CDH16: variants seen among roughly 807,000 people sequenced by gnomAD.
The protein encoded by CDH16 is cadherin 16.
CDH16 carries 79 observed loss-of-function variants against 87.6 expected under a neutral mutation model. The ratio of observed to expected loss-of-function variants is 0.90; its 90% CI spans 0.75 to 1.09. The LOEUF (loss-of-function observed/expected upper bound fraction) is 1.09. Ranked by LOEUF, CDH16 falls within the 50% of genes least tolerant of loss-of-function variation. The pLI is 0.00. For synonymous variants in CDH16, 457 were observed against 439.5 expected, an observed-to-expected ratio of 1.04 and a Z score of -0.50; for missense variants, 1,124 against 1,071.7, an observed-to-expected ratio of 1.05 and a Z score of -0.68.
At chr16:66,913,079 C>T in intron 9 of CDH16, 52 bp downstream of exon 9, 1 of 1,562,654 alleles carries the variant, frequency 6.4e-7, no homozygotes, top group East Asian at 2.3e-5. Context: ...CAGAGAAGAG[C>T]AAGACCAGGT....
Position 66,913,628 on chromosome 16 carries a change from C to A in CDH16, c.781-15G>T, listed in dbSNP as rs1468577284. 1.9e-6 allele frequency: 3 copies of A among 1,613,464 alleles called. No individual in the cohort carries two copies. In the African/African-American group the frequency reaches 4.0e-5, roughly 21 times the overall value. ...CTCCAGTGTACCTGGGGGGGACACC[C>A]CGGGCCAAGGGGCAGGAACAATCCA... On this transcript the variant is annotated splice_polypyrimidine_tract_variant and intron_variant, in intron 7 of 17. Transcript: ENST00000299752.
In CDH16 at chr16:66,909,387, AG is replaced by A; in HGVS notation, c.2276-5del. ...ACGTTGCAGCGACACACGATCACTG[AG>A]GGGAGAGGGGAGGAAGGTAAGGGGA... is the stretch of plus-strand genomic sequence containing the variant. On this transcript the variant is annotated splice_polypyrimidine_tract_variant and splice_region_variant and intron_variant, in intron 16 of 17. Transcript: ENST00000299752. This position sits in a 1 kb window ranked among gnomAD's most constrained non-coding sequence, Gnocchi z 4.1. The A allele has an allele frequency of 1.2e-6, 1 of 825,200 alleles. No individual in the cohort carries two copies. The highest frequency in any genetic ancestry group is 1.9e-6 in the Non-Finnish European group (1 of 534,878). 51.1% of individuals were successfully genotyped at this position (825,200 alleles called of 1,614,324 possible).
intron 1 of CDH16, 103 bp from the exon 2 acceptor site, chr16:66,918,181 C>T (rs1464712394): frequency 1.3e-6 from 1 of 741,246 alleles, no homozygotes; most frequent in Non-Finnish European, 2.1e-6. Context: ...GTCTTCTCTT[C>T]CTCCCCTCCA....
At position 66,916,539 on chromosome 16, in the gene CDH16, C is replaced by G; in HGVS notation, c.130-110G>C. The G allele has an allele frequency of 7.9e-7, 1 of 1,273,302 alleles. No individual in the cohort carries two copies. The highest frequency in any genetic ancestry group is 1.1e-6 in the Non-Finnish European group (1 of 947,174). 78.9% of individuals were successfully genotyped at this position (1,273,302 alleles called of 1,614,324 possible). ...TGGGGAAACTGAGTCTCAGAGACATCTGGCTCCTGTCAGAGGTCACACAGC... is the reference window on the plus strand; with the variant it reads ...TGGGGAAACTGAGTCTCAGAGACATGTGGCTCCTGTCAGAGGTCACACAGC... On this transcript the variant is annotated intron_variant, in intron 3 of 17. Transcript: ENST00000299752. This position sits in a 1 kb window ranked among gnomAD's most constrained non-coding sequence, Gnocchi z 4.1.
rs1596971915 is a variant in CDH16 at position 66,910,406 on chromosome 16, T to G, written c.2021A>C (p.Tyr674Ser). The change falls in exon 15 of 18, where the codon TAC becomes TCC. Residue 674 changes from tyrosine (Y) to serine (S), a missense_variant. By Grantham distance (144) the Tyr-to-Ser change is moderately radical. Coordinates refer to ENST00000299752, the MANE Select transcript of CDH16 (RefSeq NM_004062.4). ...ATGGTCTTGGCGGGGTGTGCAGAGG[T>G]ATTGGGAGGGCACAGGGGCAAGAGT... ...ALTLAPVPSQ[Y>S]LCTPRQDHGL... The G allele has an allele frequency of 6.2e-7, 1 of 1,608,820 alleles. No individual in the cohort carries two copies. Among genetic ancestry groups the G allele is most frequent in the African/African-American group, 1.3e-5 (1 of 74,536 alleles).
chr16:66,911,356 A>C, intron 13 of CDH16, 41 bp from the exon 14 acceptor site: 1 of 1,602,080 alleles, frequency 6.2e-7, no homozygotes, highest in South Asian at 1.1e-5. Flanking sequence ...CTGGGACTAC[A>C]TATAGGGTTT....
Position 66,912,072 on chromosome 16 carries a change from C to G in CDH16, c.1617G>C (p.Val539=). ...TGGCTCCAGGGCCTGGGCCTGGCCC[C>G]ACCAGCTTCGCCACACTCTGCACCA... ...VVVVQSVAKL[V]GPGPGPGATA... The change falls in exon 13 of 18, where the codon GTG becomes GTC. Residue 539 remains valine, a synonymous_variant. Coordinates refer to ENST00000299752, the MANE Select transcript of CDH16 (RefSeq NM_004062.4). The G allele has an allele frequency of 6.2e-7, 1 of 1,614,106 alleles. No homozygotes were observed. Among genetic ancestry groups the G allele is most frequent in the Non-Finnish European group, 8.5e-7 (1 of 1,180,018 alleles).
At position 66,911,173 on chromosome 16, in the gene CDH16, T is replaced by G; in HGVS notation, c.1924+9A>C. ...CCTCCCAGGGGCTCCCATCACTGCC[T>G]GGCCATACCTGTATCCTGGGCCTCC... On this transcript the variant is annotated intron_variant, in intron 14 of 17. Coordinates refer to ENST00000299752, the MANE Select transcript of CDH16 (RefSeq NM_004062.4). The G allele has an allele frequency of 6.2e-7, 1 of 1,605,136 alleles. No homozygotes were observed. Among genetic ancestry groups the G allele is most frequent in the African/African-American group, 1.3e-5 (1 of 74,746 alleles).
Position 66,910,286 on chromosome 16 carries a change from C to T in CDH16, c.2141G>A (p.Arg714Gln), listed in dbSNP as rs1452695033. ...ATTGAGAGTCTGGAGGCGCCAATCC[C>T]GTTGCACCGTGGGGTTGGGACCAAG... is the stretch of plus-strand genomic sequence containing the variant. ...FTLGPNPTVQ[R>Q]DWRLQTLNGS... is the part of the protein sequence containing the mutation. The change falls in exon 15 of 18, where the codon CGG becomes CAG. Residue 714 changes from arginine to glutamine, a missense_variant. Coordinates refer to ENST00000299752, the MANE Select transcript of CDH16 (RefSeq NM_004062.4). 2 of 1,609,430 alleles carry T rather than the reference C, an allele frequency of 1.2e-6. No homozygotes were observed. The highest frequency in any genetic ancestry group is 8.5e-7 in the Non-Finnish European group (1 of 1,177,534).
At chr16:66,911,075 G>C in intron 14 of CDH16, 107 bp downstream of exon 14, 1 of 1,122,542 alleles carries the variant, frequency 8.9e-7, no homozygotes, top group Non-Finnish European at 1.2e-6. Context: ...TCCTGCTTGG[G>C]GCTGGGGGTT....
At position 66,909,334 on chromosome 16, in the gene CDH16, G is replaced by T; in HGVS notation, c.2325C>A (p.Gly775=). The T allele has an allele frequency of 6.8e-7, 1 of 1,481,392 alleles. No homozygotes were observed. The allele number at this position is 1,481,392 out of a possible 1,614,324, so 91.8% of individuals were successfully genotyped here. ...NVEGQCMRKV[G]RMKGMPTKLS... is the part of the protein sequence containing the mutation. ...GCTTCGTGGGCATGCCCTTCATGCG[G>T]CCCACCTTGCGCATGCACTGCCCCT... The change falls in exon 17 of 18, where the codon GGC becomes GGA. Residue 775 remains glycine (G), a synonymous_variant. Transcript: ENST00000299752. The surrounding 1 kb of genome is among the most constrained non-coding windows in gnomAD (Gnocchi z 4.1).
rs536344786 is a variant in CDH16 at position 66,913,288 on chromosome 16, T to C, written c.904-7A>G. The C allele has an allele frequency of 6.5e-7, 1 of 1,548,510 alleles. No homozygotes were observed. Among genetic ancestry groups the C allele is most frequent in the Admixed American group, 1.9e-5 (1 of 52,026 alleles). On this transcript the variant is annotated splice_polypyrimidine_tract_variant and splice_region_variant and intron_variant, in intron 8 of 17. Transcript: ENST00000299752. ...CCCGCACCTGGAGCAGGTACTGCGG[T>C]GGGCAGTAGGGGGCTTCAGGTCAGG...
At chr16:66,915,913 AAGAAAAGAAAAAAG>A in intron 5 of CDH16, 138 bp downstream of exon 5, 1 of 981,100 alleles carries the variant, frequency 1.0e-6, no homozygotes, top group Non-Finnish European at 1.5e-6. Flanking sequence ...AAAAGAAAAA[AAGAAAAGAAAAAAG>A]AGAAAAGAAA....
At chr16:66,911,023 A>C (rs957672478) in intron 14 of CDH16, 159 bp downstream of exon 14, 6 of 648,734 alleles carry the variant, frequency 9.2e-6, no homozygotes, top group Non-Finnish European at 1.5e-5. Context: ...GAGTAGATCC[A>C]TTCTCAGAGA....
At chr16:66,917,427 T>C (rs1345614777) in intron 3 of CDH16, among the ~76,000 whole-genome samples, 1 of 152,118 alleles carries the variant, frequency 6.6e-6, no homozygotes, top group African/African-American at 2.4e-5. Context: ...TATGCAAATA[T>C]TCCAAAATCT....
rs889875520 is a variant in CDH16 at position 66,909,444 on chromosome 16, C to T, written c.2276-61G>A. The T allele has an allele frequency of 5.0e-5, 59 of 1,188,860 alleles. No individual in the cohort carries two copies. Among genetic ancestry groups the T allele is most frequent in the Admixed American group, 2.6e-4 (14 of 53,960 alleles). 73.6% of individuals were successfully genotyped at this position (1,188,860 alleles called of 1,614,324 possible). ...GGGAGGGCTCCCCAGCTGCTCAGAG[C>T]CCCCAGCCCAGCCACCTGGCTGATA... On this transcript the variant is annotated intron_variant, in intron 16 of 17. Coordinates refer to ENST00000299752, the MANE Select transcript of CDH16 (RefSeq NM_004062.4). This position sits in a 1 kb window ranked among gnomAD's most constrained non-coding sequence, Gnocchi z 4.1.
At position 66,913,496 on chromosome 16, in the gene CDH16, C is replaced by T; in HGVS notation, c.898G>A (p.Ala300Thr). The T allele has an allele frequency of 6.2e-7, 1 of 1,614,168 alleles. No homozygotes were observed. Among genetic ancestry groups the T allele is most frequent in the Non-Finnish European group, 8.5e-7 (1 of 1,180,008 alleles). Reference sequence around the variant, plus strand: ...TGGCTCCCCCTTCATATCACCTCAGCCTGGGCTTCTCTGTCCAGCTCTCTG... The same window carrying T: ...TGGCTCCCCCTTCATATCACCTCAGTCTGGGCTTCTCTGTCCAGCTCTCTG... ...VTRELDREAQ[A>T]EYLLQVRAQN... is the part of the protein sequence containing the mutation. The change falls in exon 8 of 18, where the codon GCT becomes ACT. Residue 300 changes from alanine (A) to threonine (T), a missense_variant. Coordinates refer to ENST00000299752, the MANE Select transcript of CDH16 (RefSeq NM_004062.4).
At chr16:66,917,996 G>A in intron 2 of CDH16, 25 bp downstream of exon 2, 14 of 1,558,854 alleles carry the variant, frequency 9.0e-6, no homozygotes, top group Non-Finnish European at 1.2e-5. Flanking sequence ...AAGACCTGAA[G>A]GAGAGGGGGC....
rs1046432466 is a variant in CDH16 at position 66,911,304 on chromosome 16, A to C, written c.1802T>G (p.Val601Gly). 1 of 1,613,364 alleles carries C rather than the reference A, an allele frequency of 6.2e-7. No homozygotes were observed. Among genetic ancestry groups the C allele is most frequent in the African/African-American group, 1.3e-5 (1 of 75,002 alleles). The change falls in exon 14 of 18, where the codon GTC becomes GGC. Residue 601 changes from valine to glycine, a missense_variant. Physicochemically the swap from Val to Gly is moderately radical, Grantham distance 109. Coordinates refer to ENST00000299752, the MANE Select transcript of CDH16 (RefSeq NM_004062.4). ...GCAGAGCCAGCCCTCTGAGTCATTGACTAGGGAGAACCTGCCGCCCAAAGA... is the reference window on the plus strand; with the variant it reads ...GCAGAGCCAGCCCTCTGAGTCATTGCCTAGGGAGAACCTGCCGCCCAAAGA... ...PISRTLRFSL[V>G]NDSEGWLCIE...
Sources: allele counts gnomAD v4.1 joint callset (sites outside exome capture counted in the v4.1 genomes callset), GRCh38; gene constraint gnomAD v4.1.1; non-coding constraint Gnocchi (gnomAD v3.1); transcripts MANE v1.5; gene names NCBI Gene and HGNC (gene_info 2026-07-23, HGNC 2026-07-21).